The following EPB41L4A variants were observed in gnomAD, a reference collection of about 807,000 sequenced individuals.
EPB41L4A encodes band 4.1-like protein 4A.
EPB41L4A carries 100 observed loss-of-function variants against 108.6 expected under a neutral mutation model. The ratio of observed to expected loss-of-function variants is 0.92; its 90% CI spans 0.78 to 1.09. The LOEUF is 1.09. Among genes scored for constraint, EPB41L4A ranks in the 50% least tolerant of loss-of-function variants. EPB41L4A has a pLI of 0.00. For missense variants in EPB41L4A, 1,030 were observed against 842.7 expected, an observed-to-expected ratio of 1.22 and a Z score of -2.75; for synonymous variants, 319 against 289.0, an observed-to-expected ratio of 1.10 and a Z score of -1.05.
intron 2 of EPB41L4A, among the ~76,000 whole-genome samples, chr5:112,300,996 G>C (rs1754318639): frequency 6.6e-6 from 1 of 152,018 alleles, no homozygotes; most frequent in African/African-American, 2.4e-5. Flanking sequence ...TTCTGAAGTT[G>C]TGATTGTTTT....
intron 12 of EPB41L4A, among the ~76,000 whole-genome samples, chr5:112,229,147 A>C (rs1163607407): frequency 2.6e-5 from 4 of 152,256 alleles, no homozygotes; most frequent in Non-Finnish European, 5.9e-5. Flanking sequence ...TTAATGATAC[A>C]AACTAACAAA....
In EPB41L4A at chr5:112,163,140, T is replaced by C. The variant is rs1446524644; in HGVS notation, c.*1850A>G. On this transcript the variant is annotated 3_prime_UTR_variant, in exon 23 of 23. Transcript: ENST00000261486. The stretch of plus-strand genomic sequence containing the variant: ...AGTTGAACTAGGTTGCTTATTGTTG[T>C]CTAGACAAGAGACCAGCTTGGACTA... 6.6e-6 allele frequency: 1 copy of C among 152,224 alleles called. No individual in the cohort carries two copies. Among genetic ancestry groups the C allele is most frequent in the Non-Finnish European group, 1.5e-5 (1 of 68,048 alleles). 9.4% of individuals were successfully genotyped at this position (152,224 alleles called of 1,614,324 possible).
chr5:112,211,222 C>A (rs1762724762), intron 12 of EPB41L4A, among the ~76,000 whole-genome samples: 1 of 152,168 alleles, frequency 6.6e-6, no homozygotes, highest in Non-Finnish European at 1.5e-5. Context: ...ACTACTTCCA[C>A]CTGTGGCCCC....
At chr5:112,195,587 T>C in intron 16 of EPB41L4A, 74 bp downstream of exon 16, 2 of 1,297,204 alleles carry the variant, frequency 1.5e-6, no homozygotes, top group East Asian at 2.3e-5. Flanking sequence ...CCCCGCTCTT[T>C]CCTTAACTCT....
chr5:112,192,861 G>A (rs1030354895), intron 17 of EPB41L4A, among the ~76,000 whole-genome samples: 1 of 152,084 alleles, frequency 6.6e-6, no homozygotes, highest in Non-Finnish European at 1.5e-5. Flanking sequence ...GAATATATTA[G>A]GTAAAACAGA....
At chr5:112,332,020 C>T (rs1190904187) in intron 1 of EPB41L4A, among the ~76,000 whole-genome samples, 3 of 152,150 alleles carry the variant, frequency 2.0e-5, no homozygotes. Flanking sequence ...CCTCTCAGAC[C>T]AAATGAACTG....
At position 112,249,464 on chromosome 5, in the gene EPB41L4A, GA is replaced by G. The variant is rs1750495089; in HGVS notation, c.796-8655del. 2 of 152,102 alleles carry G rather than the reference GA, an allele frequency of 1.3e-5. 1 individual carries two copies. The highest frequency in any genetic ancestry group is 4.1e-4 in the South Asian group (2 of 4,824). The allele number at this position is 152,102 out of a possible 1,614,324, so 9.4% of individuals were successfully genotyped here. A position where few individuals can be genotyped will look rare whatever the true frequency, so the allele number is the denominator to read the frequency against. On this transcript the variant is annotated intron_variant, in intron 9 of 22. Transcript: ENST00000261486. ...AAGCTTACAAAATTGTAAGTCTTTT[GA>G]AAAATTTTATCTTTCTAAATGGTGA...
chr5:112,326,159 A>AT (rs1756143800), intron 1 of EPB41L4A, among the ~76,000 whole-genome samples: 5 of 151,792 alleles, frequency 3.3e-5, no homozygotes, highest in African/African-American at 1.2e-4. Flanking sequence ...CTTAAAAAAA[A>AT]TTTTTTTTAA....
chr5:112,305,830 C>T (rs1351796864), intron 2 of EPB41L4A, among the ~76,000 whole-genome samples: 1 of 152,092 alleles, frequency 6.6e-6, no homozygotes, highest in East Asian at 1.9e-4. Context: ...GACTTAAGAG[C>T]TTTCTCCTAA....
At chr5:112,176,961 G>C (rs1172042796) in intron 18 of EPB41L4A, among the ~76,000 whole-genome samples, 1 of 151,828 alleles carries the variant, frequency 6.6e-6, no homozygotes, top group Non-Finnish European at 1.5e-5. Flanking sequence ...CACCACGTTG[G>C]CCAGGCTTGT....
chr5:112,379,881 T>C (rs1022833531), intron 1 of EPB41L4A, among the ~76,000 whole-genome samples: 1 of 152,162 alleles, frequency 6.6e-6, no homozygotes, highest in African/African-American at 2.4e-5. Context: ...CTATAAGACA[T>C]AAGAAAGACA....
intron 17 of EPB41L4A, among the ~76,000 whole-genome samples, chr5:112,192,413 G>C (rs933827097): frequency 6.6e-6 from 1 of 152,184 alleles, no homozygotes; most frequent in Non-Finnish European, 1.5e-5. Flanking sequence ...AGGCAACTTA[G>C]GTATTCCTAG....
intron 2 of EPB41L4A, among the ~76,000 whole-genome samples, chr5:112,301,214 T>G (rs775923412): frequency 2.0e-5 from 3 of 152,168 alleles, no homozygotes; most frequent in East Asian, 3.9e-4. Flanking sequence ...TTGGGTGGTG[T>G]TGAAGAACAT....
In EPB41L4A at chr5:112,255,438, C is replaced by T. The variant is rs75268002; in HGVS notation, c.795+3791G>A. On this transcript the variant is annotated intron_variant, in intron 9 of 22. Transcript: ENST00000261486. ...AGGGTACACATACTTAACAGGGGAA[C>T]TGCTGGGTTGAAGCTCACTCTTCCA... Among the ~76,000 whole-genome samples the T allele has an allele frequency of 9.5e-3, 1,441 of 152,296 alleles. 17 individuals carry two copies. The highest frequency in any genetic ancestry group is 0.016 in the Non-Finnish European group (1,063 of 68,020).
intron 2 of EPB41L4A, among the ~76,000 whole-genome samples, chr5:112,292,200 C>G (rs1269935351): frequency 6.6e-6 from 1 of 152,194 alleles, no homozygotes; most frequent in Non-Finnish European, 1.5e-5. Context: ...CAGTGGCTGC[C>G]TGGTAAGTAT....
chr5:112,181,297 A>C lies in EPB41L4A; in HGVS notation c.1622+2719T>G, dbSNP rs556760568. ...AAACCCCGTCTCTACTAAATATATAAAAAATTAGCCGGGCGTGGTGGCGGG... is the reference window on the plus strand; with the variant it reads ...AAACCCCGTCTCTACTAAATATATACAAAATTAGCCGGGCGTGGTGGCGGG... On this transcript the variant is annotated intron_variant, in intron 18 of 22. Coordinates refer to ENST00000261486, the MANE Select transcript of EPB41L4A (RefSeq NM_022140.5). Among the ~76,000 whole-genome samples, 217 of 152,206 alleles carry C rather than the reference A, an allele frequency of 1.4e-3. 2 individuals are homozygous for C. Among genetic ancestry groups the C allele is most frequent in the African/African-American group, 4.9e-3 (204 of 41,530 alleles).
At chr5:112,150,957 A>G (rs2112803641) in intron 12 of EPB41L4A, among the ~76,000 whole-genome samples, 1 of 152,296 alleles carries the variant, frequency 6.6e-6, no homozygotes, top group South Asian at 2.1e-4. Flanking sequence ...GTGTTTCTCA[A>G]ACATTAATTT....
intron 2 of EPB41L4A, among the ~76,000 whole-genome samples, chr5:112,281,433 G>A (rs939883457): frequency 6.6e-6 from 1 of 152,234 alleles, no homozygotes; most frequent in Non-Finnish European, 1.5e-5. Flanking sequence ...AAGCACAGAG[G>A]GCACTGGAGT....
chr5:112,160,472 T>A (rs548463845), downstream of EPB41L4A: 1 of 152,302 alleles, frequency 6.6e-6, no homozygotes, highest in Non-Finnish European at 1.5e-5. Context: ...AAGTGCTGAC[T>A]AAATATCTTT....
Sources: gnomAD v4.1 joint callset for allele counts (sites outside exome capture counted in the v4.1 genomes callset) on GRCh38, gnomAD v4.1.1 for gene constraint, MANE v1.5 for transcripts, NCBI Gene and HGNC (gene_info 2026-07-23, HGNC 2026-07-21) for gene names.